The following RIMS2 variants were observed in gnomAD, a reference collection of about 807,000 sequenced individuals.
RIMS2 encodes the protein regulating synaptic membrane exocytosis protein 2.
RIMS2 carries 59 observed loss-of-function variants against 174.4 expected under a neutral mutation model. The ratio of observed to expected loss-of-function variants is 0.34; its 90% CI spans 0.27 to 0.42. The LOEUF is 0.42. Among genes scored for constraint, RIMS2 ranks in the 10% least tolerant of loss-of-function variants. RIMS2 has a pLI of 1.00. For synonymous variants in RIMS2, 606 were observed against 572.5 expected (o/e 1.06, Z -0.84); for missense variants, 1,620 against 1,666.3 (o/e 0.97, Z 0.48).
chr8:104,056,525 G>A (rs969082718), intron 19 of RIMS2, among the ~76,000 whole-genome samples: 11 of 152,258 alleles, frequency 7.2e-5, no homozygotes, highest in East Asian at 3.9e-4. Context: ...TACAGGACTC[G>A]TGAAGCCAGG....
intron 2 of RIMS2, among the ~76,000 whole-genome samples, chr8:103,738,772 G>GA (rs1321712664): frequency 6.6e-6 from 1 of 152,098 alleles, no homozygotes; most frequent in Non-Finnish European, 1.5e-5. Context: ...ACAGACACAT[G>GA]AAAAAATGCT....
chr8:103,787,704 A>C (rs1221833813), intron 3 of RIMS2, among the ~76,000 whole-genome samples: 2 of 151,792 alleles, frequency 1.3e-5, no homozygotes, highest in Admixed American at 1.3e-4. Flanking sequence ...TGCCCTTAAC[A>C]TTTTTTCCTT....
intron 19 of RIMS2, among the ~76,000 whole-genome samples, chr8:104,149,414 T>C (rs564864299): frequency 6.6e-6 from 1 of 152,376 alleles, no homozygotes; most frequent in Non-Finnish European, 1.5e-5. Flanking sequence ...AGGAATTTTC[T>C]GCTGACAGTG....
chr8:104,109,849 T>C (rs2098145352), intron 19 of RIMS2, among the ~76,000 whole-genome samples: 1 of 152,214 alleles, frequency 6.6e-6, no homozygotes, highest in African/African-American at 2.4e-5. Flanking sequence ...TTTCATAGTT[T>C]GATATGGTTG....
chr8:103,666,316 T>C (rs994907672), intron 1 of RIMS2, among the ~76,000 whole-genome samples: 1 of 152,184 alleles, frequency 6.6e-6, no homozygotes, highest in African/African-American at 2.4e-5. Flanking sequence ...GTTCACTATG[T>C]ACAGAGAAAC....
At chr8:104,053,039 AT>A (rs1490235741) in intron 19 of RIMS2, among the ~76,000 whole-genome samples, 6 of 152,222 alleles carry the variant, frequency 3.9e-5, no homozygotes, top group Non-Finnish European at 7.3e-5. Flanking sequence ...GTAAGGTCCA[AT>A]AGAATGGTGC....
intron 1 of RIMS2, among the ~76,000 whole-genome samples, chr8:103,617,150 G>T (rs998805888): frequency 8.5e-5 from 13 of 152,142 alleles, no homozygotes; most frequent in African/African-American, 2.2e-4. Context: ...AACCAGCATG[G>T]TATGGATGTG....
intron 1 of RIMS2, among the ~76,000 whole-genome samples, chr8:103,572,980 C>T (rs1020028605): frequency 2.6e-5 from 4 of 152,148 alleles, no homozygotes; most frequent in Non-Finnish European, 4.4e-5. Flanking sequence ...TTCCCCTAGG[C>T]TAATGTCCAG....
chr8:103,944,352 AGT>A (rs2083224623), intron 14 of RIMS2, among the ~76,000 whole-genome samples: 1 of 152,088 alleles, frequency 6.6e-6, no homozygotes, highest in East Asian at 1.9e-4. Context: ...TCTGAATTAC[AGT>A]GTAGGATGGT....
chr8:103,557,034 G>A (rs2090617833), intron 1 of RIMS2, among the ~76,000 whole-genome samples: 1 of 152,166 alleles, frequency 6.6e-6, no homozygotes, highest in Admixed American at 6.5e-5. Flanking sequence ...TCGATAAATA[G>A]AGTTAGGATC....
chr8:103,527,362 C>T (rs1834548044), intron 1 of RIMS2, among the ~76,000 whole-genome samples: 2 of 152,204 alleles, frequency 1.3e-5, no homozygotes, highest in South Asian at 4.1e-4. Context: ...ATAGCCTATG[C>T]ACATCATCCA....
intron 19 of RIMS2, chr8:104,094,837 T>C: frequency 1.7e-6 from 1 of 579,190 alleles, no homozygotes; most frequent in East Asian, 2.8e-5. Context: ...GTGTTTTATC[T>C]ATTTAGCTTC....
intron 1 of RIMS2, among the ~76,000 whole-genome samples, chr8:103,691,937 G>T (rs1437282114): frequency 6.6e-6 from 1 of 152,196 alleles, no homozygotes; most frequent in Non-Finnish European, 1.5e-5. Flanking sequence ...TAATGTTGCA[G>T]ACTCACAGAG....
intron 14 of RIMS2, among the ~76,000 whole-genome samples, chr8:103,945,129 C>T (rs747444548): frequency 6.6e-6 from 1 of 151,912 alleles, no homozygotes; most frequent in Non-Finnish European, 1.5e-5. Flanking sequence ...TTTGATAGAA[C>T]ATACAGATGA....
intron 19 of RIMS2, among the ~76,000 whole-genome samples, chr8:104,064,535 T>A (rs1273972533): frequency 6.6e-6 from 1 of 152,012 alleles, no homozygotes; most frequent in Non-Finnish European, 1.5e-5. Context: ...TTAGTAGGAA[T>A]GCTAACATTT....
At chr8:103,855,645 A>G (rs1232247270) in intron 3 of RIMS2, among the ~76,000 whole-genome samples, 1 of 151,958 alleles carries the variant, frequency 6.6e-6, no homozygotes, top group Non-Finnish European at 1.5e-5. Flanking sequence ...AAGTTGTTTA[A>G]TTTCCATAAA....
At chr8:104,101,451 C>A (rs1217229661) in intron 19 of RIMS2, among the ~76,000 whole-genome samples, 1 of 152,020 alleles carries the variant, frequency 6.6e-6, no homozygotes, top group African/African-American at 2.4e-5. Flanking sequence ...ATTAATTCTA[C>A]TATATTAGAC....
chr8:103,710,789 G>A (rs1037150945), intron 2 of RIMS2, among the ~76,000 whole-genome samples: 12 of 151,976 alleles, frequency 7.9e-5, no homozygotes, highest in Non-Finnish European at 1.6e-4. Context: ...GAAGCATAAT[G>A]ACATAATTTT....
intron 15 of RIMS2, among the ~76,000 whole-genome samples, chr8:103,973,979 G>T (rs2093177786): frequency 6.6e-6 from 1 of 152,132 alleles, no homozygotes; most frequent in African/African-American, 2.4e-5. Flanking sequence ...CTCTCCACTG[G>T]CAGTCTTTAG....
Sources: allele counts gnomAD v4.1 joint callset (sites outside exome capture counted in the v4.1 genomes callset), GRCh38; gene constraint gnomAD v4.1.1; transcripts MANE v1.5; gene names NCBI Gene and HGNC (gene_info 2026-07-23, HGNC 2026-07-21).